CELF2: variants seen among roughly 807,000 people sequenced by gnomAD.
CELF2 encodes the protein CUG triplet repeat RNA-binding protein 2.
CELF2 carries 8 observed loss-of-function variants against 62.6 expected under a neutral mutation model. The ratio of observed to expected loss-of-function variants is 0.13; its 90% CI spans 0.07 to 0.23. The LOEUF (loss-of-function observed/expected upper bound fraction) is 0.23, where lower values mean the gene tolerates loss of function less well. Ranked by LOEUF, CELF2 falls within the 10% of genes least tolerant of loss-of-function variation. The pLI, the probability that CELF2 is intolerant of heterozygous loss-of-function variation, is 1.00. For synonymous variants in CELF2, 258 were observed against 250.0 expected, an observed-to-expected ratio of 1.03 and a Z score of -0.30; for missense variants, 333 against 671.0, an observed-to-expected ratio of 0.50 and a Z score of 5.56.
rs191771544 is a variant in CELF2 at position 10,873,732 on chromosome 10, C to T, written c.54-46232C>T. Reference sequence around the variant, plus strand: ...AGATCTGTTCATCTCTCCAACTTCTCTTTGCTCTGGAATTTATTTTTCCAA... The same window carrying T: ...AGATCTGTTCATCTCTCCAACTTCTTTTTGCTCTGGAATTTATTTTTCCAA... On this transcript the variant is annotated intron_variant, in intron 1 of 13. Coordinates refer to the CELF2 transcript ENST00000636488. Among the ~76,000 whole-genome samples, 4 of 152,332 alleles carry T rather than the reference C, an allele frequency of 2.6e-5. No homozygotes were observed. The East Asian group carries it at 7.7e-4, about 29-fold the overall frequency.
the CELF2 span, among the ~76,000 whole-genome samples, chr10:10,623,491 A>T: frequency 2.6e-5 from 4 of 152,196 alleles, no homozygotes; most frequent in Admixed American, 6.5e-5. Flanking sequence ...TCTTTCCCTT[A>T]GGCAGAGTGG....
chr10:10,754,994 G>T, the CELF2 span, among the ~76,000 whole-genome samples: 1 of 152,086 alleles, frequency 6.6e-6, no homozygotes, highest in African/African-American at 2.4e-5. Context: ...TGCTTCCTGT[G>T]GGCAGAAACA....
At chr10:10,565,899 A>T in the CELF2 span, among the ~76,000 whole-genome samples, 1 of 152,226 alleles carries the variant, frequency 6.6e-6, no homozygotes, top group African/African-American at 2.4e-5. Flanking sequence ...GTCAGCAATT[A>T]ATGAGGCAGT....
At chr10:11,126,578 T>A (rs1230986461) in intron 1 of CELF2, among the ~76,000 whole-genome samples, 3 of 152,218 alleles carry the variant, frequency 2.0e-5, no homozygotes, top group African/African-American at 7.2e-5. Context: ...AAAATTGCCT[T>A]TCCCGTGGTT....
chr10:11,280,733 G>C lies in CELF2; in HGVS notation c.841+5613G>C, dbSNP rs1044591168. The stretch of plus-strand genomic sequence containing the variant: ...CATGGGCCACGGCCTCTGCCTGGCT[G>C]AGTGGACAGAGGCCGCTCTGGGTGG... On this transcript the variant is annotated intron_variant, in intron 8 of 12. Transcript: ENST00000633077. The surrounding 1 kb of genome is among the most constrained non-coding windows in gnomAD (Gnocchi z 7.6). Among the ~76,000 whole-genome samples, 1 of 152,226 alleles carries C rather than the reference G, an allele frequency of 6.6e-6. No homozygotes were observed. The highest frequency in any genetic ancestry group is 1.5e-5 in the Non-Finnish European group (1 of 68,030).
At chr10:10,517,649 A>C in the CELF2 span, among the ~76,000 whole-genome samples, 5 of 152,282 alleles carry the variant, frequency 3.3e-5, no homozygotes, top group South Asian at 1.0e-3. Flanking sequence ...TTTTCCCTGC[A>C]GCATGGGAAG....
chr10:10,778,937 C>T, the CELF2 span, among the ~76,000 whole-genome samples: 35 of 152,202 alleles, frequency 2.3e-4, no homozygotes, highest in African/African-American at 7.0e-4. Flanking sequence ...GGTCTTGACA[C>T]CCATTTGGAT....
At chr10:10,579,989 G>A in the CELF2 span, among the ~76,000 whole-genome samples, 1 of 152,096 alleles carries the variant, frequency 6.6e-6, no homozygotes. Flanking sequence ...GTGAGATCTG[G>A]ACTGATGTGG....
the CELF2 span, among the ~76,000 whole-genome samples, chr10:10,468,349 C>G: frequency 4.6e-5 from 7 of 152,126 alleles, no homozygotes; most frequent in South Asian, 1.4e-3. Context: ...GTAATTGGAC[C>G]ACTTTCACCT....
intron 3 of CELF2, among the ~76,000 whole-genome samples, chr10:11,233,422 T>C (rs77947187): frequency 0.057 from 8,677 of 152,194 alleles, 340 homozygotes; most frequent in African/African-American, 0.11. Context: ...GCCGCGTGAT[T>C]TCTTTAGGTC....
At chr10:10,825,106 A>T (rs2057279211) in intron 1 of CELF2, among the ~76,000 whole-genome samples, 1 of 152,184 alleles carries the variant, frequency 6.6e-6, no homozygotes, top group Admixed American at 6.5e-5. Flanking sequence ...TTATTTGGAG[A>T]TGACTATGGT....
intron 5 of CELF2, among the ~76,000 whole-genome samples, chr10:11,263,623 A>G (rs1017531859): frequency 1.3e-5 from 2 of 152,208 alleles, no homozygotes; most frequent in Non-Finnish European, 1.5e-5. Context: ...GAAAGGGGAC[A>G]GTTACAACCC....
chr10:10,919,971 G>A (rs1021581919), exon 2 of CELF2: 2 of 1,231,486 alleles, frequency 1.6e-6, no homozygotes, highest in Non-Finnish European at 2.0e-6. Context: ...CAGAGAGACG[G>A]CCACAGAGTT....
intron 1 of CELF2, among the ~76,000 whole-genome samples, chr10:11,058,049 G>A (rs2065738650): frequency 6.7e-6 from 1 of 149,974 alleles, no homozygotes; most frequent in Admixed American, 6.6e-5. Context: ...CCAACCAAAT[G>A]GGAATAGATT....
At chr10:10,946,535 T>C (rs945495723) in intron 2 of CELF2, 10 of 152,584 alleles carry the variant, frequency 6.6e-5, no homozygotes, top group Non-Finnish European at 1.5e-4. Flanking sequence ...CTGCAAATAA[T>C]CTTGGCCTCT....
rs1042955529 is a variant in CELF2 at position 10,928,456 on chromosome 10, C to A, written c.89+8457C>A. On this transcript the variant is annotated intron_variant, in intron 2 of 13. Coordinates refer to the CELF2 transcript ENST00000636488. This position sits in a 1 kb window ranked among gnomAD's most constrained non-coding sequence, Gnocchi z 4.8. The stretch of plus-strand genomic sequence containing the variant: ...TAGATCCGGATTTTGCAAACTACAG[C>A]CCACAGACGAAATCTAGATAGTGGC... Among the ~76,000 whole-genome samples, 2 of 152,104 alleles carry A rather than the reference C, an allele frequency of 1.3e-5. No individual in the cohort carries two copies. The highest frequency in any genetic ancestry group is 2.9e-5 in the Non-Finnish European group (2 of 68,014).
chr10:11,243,661 A>G lies in CELF2; in HGVS notation c.355-5492A>G, dbSNP rs1198853005. On this transcript the variant is annotated intron_variant, in intron 3 of 12. Coordinates refer to ENST00000633077, the MANE Select transcript of CELF2 (RefSeq NM_001326342.2). The surrounding 1 kb of genome is among the most constrained non-coding windows in gnomAD (Gnocchi z 4.1). ...TGTTTCATCGTGACTCAGGAAAACCACTCTGTAAAGTCAGAGGCTGGTGTT... is the reference window on the plus strand; with the variant it reads ...TGTTTCATCGTGACTCAGGAAAACCGCTCTGTAAAGTCAGAGGCTGGTGTT... Among the ~76,000 whole-genome samples the G allele has an allele frequency of 6.6e-6, 1 of 152,124 alleles. No individual in the cohort carries two copies. Among genetic ancestry groups the G allele is most frequent in the African/African-American group, 2.4e-5 (1 of 41,432 alleles).
the CELF2 span, among the ~76,000 whole-genome samples, chr10:10,752,688 C>CAAAAAAAAAAA: frequency 6.8e-5 from 4 of 58,932 alleles, no homozygotes; most frequent in Non-Finnish European, 9.5e-5. Context: ...GACTCCGTCT[C>CAAAAAAAAAAA]AAAAAAAAAA....
rs948484153 is a variant in CELF2, at chr10:11,319,337, G to A, written c.1097-1852G>A. ...TTGCATCACACAAATAGTGGGAGGT[G>A]AGGATGAAGTAAGATCACTGGAGGA... is the stretch of plus-strand genomic sequence containing the variant. On this transcript the variant is annotated intron_variant, in intron 10 of 12. Coordinates refer to ENST00000633077, the MANE Select transcript of CELF2 (RefSeq NM_001326342.2). The surrounding 1 kb of genome is among the most constrained non-coding windows in gnomAD (Gnocchi z 4.4). 3.4e-5 allele frequency: 12 copies of A among 352,306 alleles called. No homozygotes were observed. Among genetic ancestry groups the A allele is most frequent in the African/African-American group, 2.6e-4 (12 of 46,620 alleles). 21.8% of individuals were successfully genotyped at this position (352,306 alleles called of 1,614,324 possible).
Sources: gnomAD v4.1 joint callset for allele counts (sites outside exome capture counted in the v4.1 genomes callset) on GRCh38, gnomAD v4.1.1 for gene constraint, Gnocchi (gnomAD v3.1) non-coding constraint, MANE v1.5 for transcripts, NCBI Gene and HGNC (gene_info 2026-07-23, HGNC 2026-07-21) for gene names.